The following IFT140 variants were observed in gnomAD, a reference collection of about 807,000 sequenced individuals.
IFT140 encodes intraflagellar transport 140, also known as intraflagellar transport protein 140 homolog.
Under a neutral mutation model 164.6 loss-of-function variants are expected in IFT140, and 133 were observed. The ratio of observed to expected loss-of-function variants is 0.81; its 90% CI spans 0.70 to 0.93. The LOEUF is 0.93. IFT140 is among the 40% of genes least tolerant of loss of function. IFT140 has a pLI of 0.00. For missense variants in IFT140, 2,045 were observed against 1,972.3 expected, an observed-to-expected ratio of 1.04 and a Z score of -0.70; for synonymous variants, 860 against 817.3, an observed-to-expected ratio of 1.05 and a Z score of -0.89.
At chr16:1,582,046 G>A (rs2034599867) in intron 12 of IFT140, among the ~76,000 whole-genome samples, 1 of 152,146 alleles carries the variant, frequency 6.6e-6, no homozygotes, top group African/African-American at 2.4e-5. Context: ...CCTCCTGTGT[G>A]GGCAGGCGGC....
chr16:1,588,527 A>AAATAATAATAATAATGATAAT (rs2035013121), intron 7 of IFT140, among the ~76,000 whole-genome samples: 1 of 145,432 alleles, frequency 6.9e-6, no homozygotes, highest in Non-Finnish European at 1.5e-5. Flanking sequence ...TCCGTCTCAA[A>AAATAATAATAATAATGATAAT]AATAATAATA....
At chr16:1,548,243 C>A (rs2032336542) in intron 19 of IFT140, among the ~76,000 whole-genome samples, 1 of 152,176 alleles carries the variant, frequency 6.6e-6, no homozygotes, top group Admixed American at 6.5e-5. Flanking sequence ...GCCAGTTGCA[C>A]CCAGTTTGCT....
At chr16:1,583,685 T>G (rs998160375) in intron 11 of IFT140, among the ~76,000 whole-genome samples, 1 of 152,078 alleles carries the variant, frequency 6.6e-6, no homozygotes, top group African/African-American at 2.4e-5. Flanking sequence ...TTAAATTTAT[T>G]GTTTAACTGA....
At chr16:1,586,421 T>G in intron 9 of IFT140, 146 bp from the exon 10 acceptor site, 5 of 774,702 alleles carry the variant, frequency 6.5e-6, no homozygotes, top group Non-Finnish European at 8.0e-6. Context: ...TGCATCTTTC[T>G]GCCCAGGTCC....
chr16:1,568,435 C>T (rs556938054), intron 14 of IFT140, 101 bp from the exon 15 acceptor site: 113 of 932,876 alleles, frequency 1.2e-4, no homozygotes, highest in Non-Finnish European at 1.8e-4. Flanking sequence ...CTGCACAGCT[C>T]TTAGGCTGCT....
chr16:1,564,057 C>T lies in IFT140; in HGVS notation c.2007G>A (p.Thr669=), dbSNP rs1334447565. The change falls in exon 17 of 31, where the codon ACG becomes ACA. Residue 669 remains threonine (T), a synonymous_variant. Coordinates refer to ENST00000426508, the MANE Select transcript of IFT140 (RefSeq NM_014714.4). The surrounding 1 kb of genome is among the most constrained non-coding windows in gnomAD (Gnocchi z 5.5). ...TTGCAGACTGAGGCTGGGAGCGCGG[C>T]GTCTCCTGCACGGCTTCGCATACAA... is the stretch of plus-strand genomic sequence containing the variant. ...RLFVCEAVQE[T]PRSQPQSANG... 17 of 1,601,906 alleles carry T rather than the reference C, an allele frequency of 1.1e-5. No homozygotes were observed. Among genetic ancestry groups the T allele is most frequent in the East Asian group, 2.3e-5 (1 of 44,360 alleles).
intron 19 of IFT140, among the ~76,000 whole-genome samples, chr16:1,545,980 T>G (rs1005635782): frequency 2.0e-5 from 3 of 152,254 alleles, no homozygotes; most frequent in African/African-American, 7.2e-5. Flanking sequence ...GCCGCTGCCC[T>G]TGGCATTCTA....
At chr16:1,580,702 TGA>T (rs534330653) in intron 13 of IFT140, 55 bp downstream of exon 13, 333 of 1,162,704 alleles carry the variant, frequency 2.9e-4, no homozygotes, top group Admixed American at 1.7e-3. Context: ...TTGTCTCAAT[TGA>T]GAGGCAGGAT....
In IFT140 at chr16:1,596,310, T is replaced by A. The variant is rs979878866; in HGVS notation, c.370-3722A>T. ...GGCATTCATTCCTGTGCCCTTCACA[T>A]GTCATCTGCTAGTTTTTTGTTTTGC... On this transcript the variant is annotated intron_variant, in intron 4 of 30. Transcript: ENST00000426508. Among the ~76,000 whole-genome samples, 3 of 152,266 alleles carry A rather than the reference T, an allele frequency of 2.0e-5. No homozygotes were observed. The South Asian group carries it at 6.2e-4, about 32-fold the overall frequency.
At chr16:1,600,874 T>C (rs2035760148) in intron 4 of IFT140, among the ~76,000 whole-genome samples, 1 of 148,962 alleles carries the variant, frequency 6.7e-6, no homozygotes, top group African/African-American at 2.5e-5. Flanking sequence ...ATCCTCAAAA[T>C]GTAAATTTCA....
chr16:1,604,493 T>A (rs2035962005), intron 3 of IFT140: 1 of 152,340 alleles, frequency 6.6e-6, no homozygotes, highest in East Asian at 1.9e-4. Flanking sequence ...GTGAGCCTGA[T>A]GTGACAGGTG....
At chr16:1,539,392 G>A (rs2031407808) in intron 19 of IFT140, among the ~76,000 whole-genome samples, 1 of 152,262 alleles carries the variant, frequency 6.6e-6, no homozygotes, top group African/African-American at 2.4e-5. Context: ...CCAGGCTGAG[G>A]TCAAGCACAT....
chr16:1,599,296 G>T (rs1481390944), intron 4 of IFT140, among the ~76,000 whole-genome samples: 1 of 86,912 alleles, frequency 1.2e-5, no homozygotes. Flanking sequence ...ATCTCCGCCC[G>T]GCAGCCACCC....
intron 16 of IFT140, 111 bp downstream of exon 16, chr16:1,566,050 G>A (rs543649893): frequency 2.1e-6 from 2 of 938,034 alleles, no homozygotes; most frequent in East Asian, 2.6e-5. Flanking sequence ...TCCTACTGGT[G>A]CCTGCTGGGG....
At chr16:1,565,451 G>T (rs1355250212) in intron 16 of IFT140, among the ~76,000 whole-genome samples, 1 of 152,102 alleles carries the variant, frequency 6.6e-6, no homozygotes, top group Non-Finnish European at 1.5e-5. Flanking sequence ...GAGGCAGGGG[G>T]AATCCAGGGG....
chr16:1,553,062 A>G lies in IFT140; in HGVS notation c.2399+4873T>C. The G allele has an allele frequency of 1.0e-6, 1 of 985,462 alleles. No individual in the cohort carries two copies. The highest frequency in any genetic ancestry group is 1.2e-6 in the Non-Finnish European group (1 of 829,938). 61.0% of individuals were successfully genotyped at this position (985,462 alleles called of 1,614,324 possible). A position where few individuals can be genotyped will look rare whatever the true frequency, so the allele number is the denominator to read the frequency against. Reference sequence around the variant, plus strand: ...CAGAAACCAGTCACTGTCATTGTTCAGGACAAAATGGAGATAGATAAATGC... The same window carrying G: ...CAGAAACCAGTCACTGTCATTGTTCGGGACAAAATGGAGATAGATAAATGC... On this transcript the variant is annotated intron_variant, in intron 19 of 30. Coordinates refer to ENST00000426508, the MANE Select transcript of IFT140 (RefSeq NM_014714.4). This position sits in a 1 kb window ranked among gnomAD's most constrained non-coding sequence, Gnocchi z 4.4.
intron 24 of IFT140, 163 bp downstream of exon 24, chr16:1,524,389 G>T (rs1421496403): frequency 2.3e-6 from 2 of 865,826 alleles, no homozygotes; most frequent in Non-Finnish European, 3.5e-6. Flanking sequence ...GGCCAGGGGT[G>T]GGCAGAGGGG....
intron 19 of IFT140, among the ~76,000 whole-genome samples, chr16:1,546,542 A>C (rs1244321013): frequency 6.6e-5 from 10 of 152,220 alleles, no homozygotes; most frequent in Admixed American, 6.5e-4. Context: ...GTCTCTCTGA[A>C]GCCCTGCTGG....
At chr16:1,589,253 G>C (rs927597846) in intron 7 of IFT140, among the ~76,000 whole-genome samples, 9 of 152,158 alleles carry the variant, frequency 5.9e-5, no homozygotes, top group African/African-American at 2.4e-5. Context: ...GGATACGGTC[G>C]CCTGCCCGCT....
Sources: gnomAD v4.1 joint callset for allele counts (sites outside exome capture counted in the v4.1 genomes callset) on GRCh38, gnomAD v4.1.1 for gene constraint, Gnocchi (gnomAD v3.1) non-coding constraint, MANE v1.5 for transcripts, NCBI Gene and HGNC (gene_info 2026-07-23, HGNC 2026-07-21) for gene names.